Variants in PPARG observed in about 807,000 individuals in gnomAD.
PPARG encodes the protein peroxisome proliferator activated receptor gamma, also known as peroxisome proliferator-activated receptor gamma.
A neutral mutation model predicts 39.2 loss-of-function variants in PPARG; 17 were observed. That is an observed-to-expected ratio of 0.43 (90% CI 0.30 to 0.65). The LOEUF is 0.65. PPARG is among the 30% of genes least tolerant of loss of function. The probability of loss-of-function intolerance (pLI) is 0.13; values close to 1 mark genes in which losing one functional copy is unlikely to be tolerated. For synonymous variants in PPARG, 223 were observed against 215.7 expected (o/e 1.03, Z -0.30); for missense variants, 406 against 585.9 (o/e 0.69, Z 3.17).
intron 2 of PPARG, among the ~76,000 whole-genome samples, chr3:12,325,084 C>T (rs2047654057): frequency 6.6e-6 from 1 of 151,770 alleles, no homozygotes; most frequent in South Asian, 2.1e-4. Flanking sequence ...CTCAGGAGGT[C>T]AAGACCAGCC....
At position 12,356,120 on chromosome 3, in the gene PPARG, A is replaced by G. The variant is rs533219049; in HGVS notation, c.-8-23584A>G. 2.0e-5 allele frequency among the ~76,000 whole-genome samples: 3 copies of G among 152,348 alleles called. No individual in the cohort carries two copies. The East Asian group carries it at 5.8e-4, about 29-fold the overall frequency. On this transcript the variant is annotated intron_variant, in intron 2 of 7. Coordinates refer to ENST00000651735, the MANE Select transcript of PPARG (RefSeq NM_138711.6). Reference sequence around the variant, plus strand: ...ATAGGCACTAGAGGTTGTCCAGTAAATGCTTCATATCCATCTACTAGTGCT... The same window carrying G: ...ATAGGCACTAGAGGTTGTCCAGTAAGTGCTTCATATCCATCTACTAGTGCT...
At chr3:12,421,598 T>G (rs2051263088) in intron 7 of PPARG, among the ~76,000 whole-genome samples, 1 of 152,236 alleles carries the variant, frequency 6.6e-6, no homozygotes, top group South Asian at 2.1e-4. Flanking sequence ...GCAAAAGCTC[T>G]TTTTGTTAAT....
intron 1 of PPARG, among the ~76,000 whole-genome samples, chr3:12,310,813 A>C (rs944200820): frequency 1.1e-4 from 16 of 149,770 alleles, no homozygotes; most frequent in Admixed American, 2.0e-4. Context: ...AAAAAAAAAA[A>C]AAAAAAAAAA....
At chr3:12,371,592 A>G (rs998799703) in intron 2 of PPARG, among the ~76,000 whole-genome samples, 17 of 152,214 alleles carry the variant, frequency 1.1e-4, no homozygotes, top group Admixed American at 9.2e-4. Flanking sequence ...ATTCATATAC[A>G]TTCACTAAAG....
At chr3:12,418,464 T>A (rs2051152939) in intron 7 of PPARG, among the ~76,000 whole-genome samples, 2 of 152,220 alleles carry the variant, frequency 1.3e-5, no homozygotes, top group South Asian at 4.1e-4. Context: ...CTGCACAATG[T>A]ATTATAAAGA....
chr3:12,377,138 T>C (rs1365072874), intron 2 of PPARG, among the ~76,000 whole-genome samples: 2 of 152,196 alleles, frequency 1.3e-5, no homozygotes, highest in Non-Finnish European at 2.9e-5. Context: ...AAAAGAGTTT[T>C]GTTGCACTTA....
chr3:12,379,641 ACT>A lies in PPARG; in HGVS notation c.-8-60_-8-59del, dbSNP rs574308485. On this transcript the variant is annotated intron_variant, in intron 2 of 7. Transcript: ENST00000651735. Reference sequence around the variant, plus strand: ...GACTCTTTTCATTTCTCTTTCTGAAACTCTGTGAGATTGCTGTGTTCTCTAGG... The same window carrying A: ...GACTCTTTTCATTTCTCTTTCTGAAACTGTGAGATTGCTGTGTTCTCTAGG... The A allele has an allele frequency of 3.6e-4, 521 of 1,439,978 alleles. 1 individual carries two copies. In the African/African-American group the frequency reaches 6.0e-3, roughly 17 times the overall value. 89.2% of individuals were successfully genotyped at this position (1,439,978 alleles called of 1,614,324 possible).
At chr3:12,322,956 C>A (rs1355328091) in intron 2 of PPARG, among the ~76,000 whole-genome samples, 1 of 151,776 alleles carries the variant, frequency 6.6e-6, no homozygotes, top group African/African-American at 2.4e-5. Flanking sequence ...CATACAACAC[C>A]ATGCCTAGCT....
chr3:12,432,659 A>G (rs1004232994), intron 7 of PPARG, among the ~76,000 whole-genome samples: 15 of 152,226 alleles, frequency 9.9e-5, no homozygotes, highest in Non-Finnish European at 1.6e-4. Context: ...AGAAGAGGAA[A>G]TGAGAAAGGT....
At chr3:12,389,629 G>A (rs571174277) in intron 4 of PPARG, among the ~76,000 whole-genome samples, 2 of 152,180 alleles carry the variant, frequency 1.3e-5, no homozygotes, top group Non-Finnish European at 1.5e-5. Flanking sequence ...AGTGGCACAT[G>A]TGTGTAATCT....
chr3:12,346,522 G>A (rs1182336519), intron 2 of PPARG, among the ~76,000 whole-genome samples: 1 of 152,102 alleles, frequency 6.6e-6, no homozygotes, highest in African/African-American at 2.4e-5. Flanking sequence ...GCTGAGCCAA[G>A]ACAAAAACGT....
At chr3:12,418,811 A>T (rs2051164006) in intron 7 of PPARG, among the ~76,000 whole-genome samples, 1 of 152,250 alleles carries the variant, frequency 6.6e-6, no homozygotes, top group Non-Finnish European at 1.5e-5. Flanking sequence ...ACCGGCCTTT[A>T]AATGCCTAGG....
intron 2 of PPARG, among the ~76,000 whole-genome samples, chr3:12,314,455 A>G (rs976274121): frequency 3.3e-5 from 5 of 152,210 alleles, no homozygotes; most frequent in African/African-American, 1.2e-4. Flanking sequence ...GGTCAATATC[A>G]AGGATAGTAA....
At chr3:12,396,481 G>C (rs921727620) in intron 5 of PPARG, among the ~76,000 whole-genome samples, 8 of 152,046 alleles carry the variant, frequency 5.3e-5, no homozygotes, top group African/African-American at 1.2e-4. Context: ...TGTGGGCCAG[G>C]CATGGTGGCT....
chr3:12,394,717 T>G (rs1481481425), intron 5 of PPARG, among the ~76,000 whole-genome samples: 1 of 152,184 alleles, frequency 6.6e-6, no homozygotes, highest in African/African-American at 2.4e-5. Flanking sequence ...AAAATAAACA[T>G]CAGACTAACA....
At chr3:12,406,878 A>G (rs1291374045) in intron 6 of PPARG, 1 of 152,190 alleles carries the variant, frequency 6.6e-6, no homozygotes, top group Non-Finnish European at 1.5e-5. Context: ...CTATCCTTTT[A>G]TTACATATGT....
At chr3:12,298,727 T>G (rs2046856310) in intron 1 of PPARG, among the ~76,000 whole-genome samples, 1 of 152,352 alleles carries the variant, frequency 6.6e-6, no homozygotes, top group Admixed American at 6.5e-5. Context: ...GCTAACAATA[T>G]TTAGTTTATA....
chr3:12,371,888 A>C lies in PPARG; in HGVS notation c.-8-7816A>C, dbSNP rs543978591. 7.9e-5 allele frequency: 56 copies of C among 704,832 alleles called. 1 individual carries two copies. The highest frequency in any genetic ancestry group is 7.9e-4 in the South Asian group (53 of 66,724). 43.7% of individuals were successfully genotyped at this position (704,832 alleles called of 1,614,324 possible). A position where few individuals can be genotyped will look rare whatever the true frequency, so the allele number is the denominator to read the frequency against. Reference sequence around the variant, plus strand: ...ATTCTTGTCTCTGGATGTCGCTGTCATGATGGGAGAGGAATTAGTAAATTC... The same window carrying C: ...ATTCTTGTCTCTGGATGTCGCTGTCCTGATGGGAGAGGAATTAGTAAATTC... On this transcript the variant is annotated intron_variant, in intron 2 of 7. Coordinates refer to ENST00000651735, the MANE Select transcript of PPARG (RefSeq NM_138711.6).
chr3:12,322,157 A>G (rs922086231), intron 2 of PPARG, among the ~76,000 whole-genome samples: 4 of 152,226 alleles, frequency 2.6e-5, no homozygotes, highest in Admixed American at 2.6e-4. Context: ...AAAAATACAT[A>G]GATCCCTTTA....
Sources: gnomAD v4.1 joint callset for allele counts (sites outside exome capture counted in the v4.1 genomes callset) on GRCh38, gnomAD v4.1.1 for gene constraint, MANE v1.5 for transcripts, NCBI Gene and HGNC (gene_info 2026-07-23, HGNC 2026-07-21) for gene names.